TNN: variants seen among roughly 807,000 people sequenced by gnomAD.
TNN encodes tenascin N.
Under a neutral mutation model 134.4 loss-of-function variants are expected in TNN, and 122 were observed. That is an observed-to-expected ratio of 0.91 (90% confidence interval 0.78 to 1.06). The LOEUF (loss-of-function observed/expected upper bound fraction) is 1.06. Among genes scored for constraint, TNN ranks in the 50% least tolerant of loss-of-function variants. The pLI, the probability that TNN is intolerant of heterozygous loss-of-function variation, is 0.00. For missense variants in TNN, 1,739 were observed against 1,699.4 expected (o/e 1.02, Z -0.41); for synonymous variants, 710 against 670.3 (o/e 1.06, Z -0.91).
rs1284404355 is a variant in TNN at position 175,083,769 on chromosome 1, T to G, written c.1068T>G (p.Thr356=). 3 of 1,614,164 alleles carry G rather than the reference T, an allele frequency of 1.9e-6. No homozygotes were observed. The South Asian group carries it at 3.3e-5, about 18-fold the overall frequency. ...LATTDLAVLG[T]AWVTDETENS... is the part of the protein sequence containing the mutation. ...CCCTAGACCTTGCTGTGCTTGGCAC[T>G]GCCTGGGTGACAGATGAGACTGAGA... Residue 356 remains threonine, a synonymous_variant, in exon 5 of 19, where the codon ACT becomes ACG. Transcript: ENST00000239462.
intron 6 of TNN, among the ~76,000 whole-genome samples, chr1:175,092,085 T>G (rs1238791667): frequency 6.6e-6 from 1 of 152,210 alleles, no homozygotes; most frequent in Non-Finnish European, 1.5e-5. Context: ...CGAGCAGGAC[T>G]GCTAGGGTGT....
chr1:175,079,812 A>G, intron 3 of TNN, 105 bp downstream of exon 3: 1 of 1,409,446 alleles, frequency 7.1e-7, no homozygotes, highest in Non-Finnish European at 9.3e-7. Flanking sequence ...CCTTTAGCCT[A>G]CGCCAGATTG....
chr1:175,098,646 A>G lies in TNN; in HGVS notation c.2119+51A>G, dbSNP rs1309347596. 1.9e-6 allele frequency: 3 copies of G among 1,608,990 alleles called. No homozygotes were observed. In the African/African-American group the frequency reaches 4.0e-5, roughly 22 times the overall value. On this transcript the variant is annotated intron_variant, in intron 9 of 18. Transcript: ENST00000239462. ...CCGATGCCATGCTCAGGGTCTGTCT[A>G]CATGGGGTTTTCTTCTCTGACCTTG...
chr1:175,146,928 T>C lies in TNN; in HGVS notation c.3760-3T>C. On this transcript the variant is annotated splice_region_variant and splice_polypyrimidine_tract_variant and intron_variant, in intron 18 of 18. Transcript: ENST00000239462. ...GATGTGGCTTTTTTTTTTTTTTTGG[T>C]AGGGGGTGAACTGGGAGCCTTGGAA... 1 of 1,395,556 alleles carries C rather than the reference T, an allele frequency of 7.2e-7. No individual in the cohort carries two copies. The highest frequency in any genetic ancestry group is 1.6e-5 in the South Asian group (1 of 63,878). The allele number at this position is 1,395,556 out of a possible 1,614,324, so 86.4% of individuals were successfully genotyped here. A position where few individuals can be genotyped will look rare whatever the true frequency, so the allele number is the denominator to read the frequency against.
Position 175,079,530 on chromosome 1 carries a change from C to T in TNN, c.607C>T (p.Pro203Ser). The change falls in exon 3 of 19, where the codon CCT (proline) becomes TCT (serine). Residue 203 changes from proline (P) to serine (S), a missense_variant. Pro to Ser is a moderately conservative substitution (Grantham distance 74). Coordinates refer to ENST00000239462, the MANE Select transcript of TNN (RefSeq NM_022093.2). ...VGADCGYPAC[P>S]ENCSGHGECV... Reference sequence around the variant, plus strand: ...TGCCGACTGCGGCTACCCGGCCTGCCCTGAGAACTGCAGCGGACACGGCGA... The same window carrying T: ...TGCCGACTGCGGCTACCCGGCCTGCTCTGAGAACTGCAGCGGACACGGCGA... 6.4e-7 allele frequency: 1 copy of T among 1,566,216 alleles called. No individual in the cohort carries two copies. Among genetic ancestry groups the T allele is most frequent in the Non-Finnish European group, 8.6e-7 (1 of 1,156,740 alleles).
In TNN at chr1:175,147,160, C is replaced by T; in HGVS notation, c.*89C>T. 8.0e-7 allele frequency: 1 copy of T among 1,245,504 alleles called. No individual in the cohort carries two copies. The highest frequency in any genetic ancestry group is 1.1e-6 in the Non-Finnish European group (1 of 944,280). The allele number at this position is 1,245,504 out of a possible 1,614,324, so 77.2% of individuals were successfully genotyped here. ...TAGTGGTCACTGCGGTCTGGGAGTG[C>T]TCAGATAGCCCGCAGAACAAATCAT... is the stretch of plus-strand genomic sequence containing the variant. On this transcript the variant is annotated 3_prime_UTR_variant, in exon 19 of 19. Transcript: ENST00000239462.
In TNN at chr1:175,077,571, C is replaced by G; in HGVS notation, c.153C>G (p.Pro51=). The G allele has an allele frequency of 6.2e-7, 1 of 1,614,194 alleles. No individual in the cohort carries two copies. The highest frequency in any genetic ancestry group is 8.5e-7 in the Non-Finnish European group (1 of 1,180,046). ...TVSHTYKIDV[P]KSALVQVDAD... is the part of the protein sequence containing the mutation. ...GCCACACCTACAAGATCGATGTGCCCAAGTCTGCCTTGGTTCAGGTTGACG... is the reference window on the plus strand; with the variant it reads ...GCCACACCTACAAGATCGATGTGCCGAAGTCTGCCTTGGTTCAGGTTGACG... The change falls in exon 2 of 19, where the codon CCC becomes CCG. Residue 51 remains proline (P), a synonymous_variant. Coordinates refer to ENST00000239462, the MANE Select transcript of TNN (RefSeq NM_022093.2).
intron 6 of TNN, among the ~76,000 whole-genome samples, chr1:175,092,998 G>A (rs1374278775): frequency 6.6e-6 from 1 of 152,202 alleles, no homozygotes; most frequent in Non-Finnish European, 1.5e-5. Context: ...ACTAGAGTGA[G>A]TATTCTCCTC....
At position 175,094,038 on chromosome 1, in the gene TNN, C is replaced by T; in HGVS notation, c.1373C>T (p.Thr458Ile). The change falls in exon 7 of 19, where the codon ACA becomes ATA. Residue 458 changes from threonine (T) to isoleucine (I), a missense_variant. By Grantham distance (89) the Thr-to-Ile change is moderately conservative (BLOSUM62 -1). Coordinates refer to ENST00000239462, the MANE Select transcript of TNN (RefSeq NM_022093.2). ...NVVTDRVTED[T>I]ATVSWDPVQA... ...GTCACTGATCGAGTGACTGAAGACA[C>T]AGCAACTGTCTCCTGGGACCCAGTG... 1.2e-6 allele frequency: 2 copies of T among 1,612,714 alleles called. No individual in the cohort carries two copies. The highest frequency in any genetic ancestry group is 1.7e-6 in the Non-Finnish European group (2 of 1,178,808).
Position 175,135,753 on chromosome 1 carries a change from G to A in TNN, c.3331-92G>A. ...TGAAAGGCTTGCTAGCTGGAGGAAG[G>A]CAGTGTATGAGCAAGCTCTTGGTCT... On this transcript the variant is annotated intron_variant, in intron 15 of 18. Transcript: ENST00000239462. 5 of 931,954 alleles carry A rather than the reference G, an allele frequency of 5.4e-6. No individual in the cohort carries two copies. The Admixed American group carries it at 9.0e-5, about 17-fold the overall frequency. 57.7% of individuals were successfully genotyped at this position (931,954 alleles called of 1,614,324 possible).
In TNN at chr1:175,128,705, C is replaced by A; in HGVS notation, c.3289C>A (p.Gln1097Lys). The A allele has an allele frequency of 6.2e-7, 1 of 1,613,980 alleles. No individual in the cohort carries two copies. The highest frequency in any genetic ancestry group is 8.5e-7 in the Non-Finnish European group (1 of 1,179,916). Residue 1097 changes from glutamine (Q) to lysine (K), a missense_variant, in exon 15 of 19, where the codon CAG (glutamine) becomes AAG (lysine). Physicochemically the swap from Gln to Lys is moderately conservative, Grantham distance 53 (BLOSUM62 1). Transcript: ENST00000239462. ...YLHGDASRPLQVYCDMETDGG... is the reference protein window; with the variant it reads ...YLHGDASRPLKVYCDMETDGG... ...GCATGGCGATGCCAGCCGGCCCCTGCAGGTGTACTGTGACATGGAAACGGA... is the reference window on the plus strand; with the variant it reads ...GCATGGCGATGCCAGCCGGCCCCTGAAGGTGTACTGTGACATGGAAACGGA...
In TNN at chr1:175,117,070, A is replaced by C. The variant is rs577512954; in HGVS notation, c.2251A>C (p.Arg751=). ...CACCTCTGCCAAGGACGGAGAGACC[A>C]GGGAGGTTCCGGTGGGGAAGGAGCA... is the stretch of plus-strand genomic sequence containing the variant. ...RYTSAKDGET[R]EVPVGKEQSS... Residue 751 remains arginine (R), a synonymous_variant, in exon 10 of 19, where the codon AGG becomes CGG. Coordinates refer to ENST00000239462, the MANE Select transcript of TNN (RefSeq NM_022093.2). The C allele has an allele frequency of 5.0e-6, 8 of 1,614,238 alleles. No homozygotes were observed. The highest frequency in any genetic ancestry group is 1.7e-6 in the Non-Finnish European group (2 of 1,180,036).
chr1:175,107,327 G>A (rs111566514), intron 9 of TNN, among the ~76,000 whole-genome samples: 3,746 of 141,822 alleles, frequency 0.026, 246 homozygotes, highest in African/African-American at 0.088. Context: ...TTAAGGTGGC[G>A]CATCTGGAGT....
At chr1:175,111,826 A>G (rs1675035950) in intron 9 of TNN, among the ~76,000 whole-genome samples, 1 of 150,008 alleles carries the variant, frequency 6.7e-6, no homozygotes, top group Non-Finnish European at 1.5e-5. Context: ...AACACTACTG[A>G]TTTTTATATG....
intron 12 of TNN, among the ~76,000 whole-genome samples, chr1:175,124,729 C>T (rs1429953051): frequency 2.6e-5 from 4 of 152,104 alleles, no homozygotes; most frequent in Admixed American, 1.3e-4. Flanking sequence ...CTCTCTCTGT[C>T]CTGGACTCCC....
In TNN at chr1:175,097,606, G is replaced by A. The variant is rs1229316425; in HGVS notation, c.1778G>A (p.Gly593Asp). 1.2e-6 allele frequency: 2 copies of A among 1,614,244 alleles called. No individual in the cohort carries two copies. Among genetic ancestry groups the A allele is most frequent in the African/African-American group, 2.7e-5 (2 of 75,060 alleles). ...SSTVLTGLRP[G>D]VEYTVHVWAQ... The stretch of plus-strand genomic sequence containing the variant: ...ACTGTCCTGACAGGCCTGAGGCCAG[G>A]TGTGGAGTACACAGTGCATGTCTGG... The change falls in exon 8 of 19, where the codon GGT (glycine) becomes GAT (aspartate). Residue 593 changes from glycine to aspartate, a missense_variant. Transcript: ENST00000239462.
At chr1:175,132,655 C>T (rs1020093905) in intron 15 of TNN, among the ~76,000 whole-genome samples, 2 of 152,172 alleles carry the variant, frequency 1.3e-5, no homozygotes, top group Admixed American at 6.5e-5. Flanking sequence ...CTTCTCTTCC[C>T]TTCCATTCCT....
intron 11 of TNN, among the ~76,000 whole-genome samples, chr1:175,119,044 G>A (rs962454170): frequency 1.3e-5 from 2 of 152,202 alleles, no homozygotes; most frequent in African/African-American, 4.8e-5. Context: ...TATAGGAAAG[G>A]CGTCCCGATC....
intron 9 of TNN, among the ~76,000 whole-genome samples, chr1:175,112,445 G>T (rs572800248): frequency 6.6e-6 from 1 of 151,684 alleles, no homozygotes; most frequent in South Asian, 2.1e-4. Context: ...TATAAGCATA[G>T]CTACTCCTGT....
Sources: allele counts gnomAD v4.1 joint callset (sites outside exome capture counted in the v4.1 genomes callset), GRCh38; gene constraint gnomAD v4.1.1; transcripts MANE v1.5; gene names NCBI Gene and HGNC (gene_info 2026-07-23, HGNC 2026-07-21).